Variants in HMCN1 observed in about 807,000 individuals in gnomAD.
HMCN1 encodes the protein hemicentin 1.
A neutral mutation model predicts 625.9 loss-of-function variants in HMCN1; 321 were observed. That is an observed-to-expected ratio of 0.51 (90% confidence interval 0.47 to 0.56). The LOEUF is 0.56. Ranked by LOEUF, HMCN1 falls within the 20% of genes least tolerant of loss-of-function variation. The pLI, the probability that HMCN1 is intolerant of heterozygous loss-of-function variation, is 0.00. For synonymous variants in HMCN1, 2,425 were observed against 2,417.6 expected (o/e 1.00, Z -0.09); for missense variants, 6,588 against 6,887.3 (o/e 0.96, Z 1.54).
At chr1:185,765,061 G>A (rs1655782650) in intron 1 of HMCN1, among the ~76,000 whole-genome samples, 1 of 152,140 alleles carries the variant, frequency 6.6e-6, no homozygotes, top group Non-Finnish European at 1.5e-5. Context: ...TGAATTAATG[G>A]ACTCAGTAAT....
chr1:185,790,263 CTG>C (rs1408699580), intron 1 of HMCN1, among the ~76,000 whole-genome samples: 1 of 152,222 alleles, frequency 6.6e-6, no homozygotes, highest in African/African-American at 2.4e-5. Flanking sequence ...TCAACCCTTC[CTG>C]TATTCCTTGT....
At chr1:185,782,467 C>T (rs1657202264) in intron 1 of HMCN1, among the ~76,000 whole-genome samples, 1 of 152,150 alleles carries the variant, frequency 6.6e-6, no homozygotes, top group Non-Finnish European at 1.5e-5. Flanking sequence ...TTTGGCATGT[C>T]TTTGCAGTGG....
In HMCN1 at chr1:186,190,882, A is replaced by C. The variant is rs1653690282; in HGVS notation, c.*1004A>C. 5.4e-6 allele frequency: 1 copy of C among 184,374 alleles called. No individual in the cohort carries two copies. The highest frequency in any genetic ancestry group is 1.2e-5 in the Non-Finnish European group (1 of 86,670). The allele number at this position is 184,374 out of a possible 1,614,324, so 11.4% of individuals were successfully genotyped here. ...ATATCTTGATGGACTCTTTTATAAA[A>C]TTATTTTATAAAAAACAATGTTACA... is the stretch of plus-strand genomic sequence containing the variant. On this transcript the variant is annotated 3_prime_UTR_variant, in exon 107 of 107. Transcript: ENST00000271588.
At chr1:185,754,695 C>G (rs1655023122) in intron 1 of HMCN1, among the ~76,000 whole-genome samples, 1 of 151,818 alleles carries the variant, frequency 6.6e-6, no homozygotes, top group South Asian at 2.1e-4. Context: ...TTAAAAAATA[C>G]AAATTAACCA....
chr1:186,026,706 T>G (rs1655079466), intron 36 of HMCN1, among the ~76,000 whole-genome samples: 1 of 152,152 alleles, frequency 6.6e-6, no homozygotes, highest in Non-Finnish European at 1.5e-5. Flanking sequence ...CGGTCATGAC[T>G]CATTACAGCC....
Position 186,000,245 on chromosome 1 carries a change from T to C in HMCN1, c.4069+6T>C. ...ATATAACCTCAAAGTCCATGGTAAA[T>C]GTAGCTAAAATCATGTAACTGACTG... On this transcript the variant is annotated splice_donor_region_variant and intron_variant, in intron 26 of 106. Coordinates refer to ENST00000271588, the MANE Select transcript of HMCN1 (RefSeq NM_031935.3). 6.2e-7 allele frequency: 1 copy of C among 1,608,012 alleles called. No homozygotes were observed. The highest frequency in any genetic ancestry group is 1.7e-4 in the Middle Eastern group (1 of 6,036).
At position 185,958,399 on chromosome 1, in the gene HMCN1, G is replaced by A. The variant is rs143455322; in HGVS notation, c.1829-4119G>A. On this transcript the variant is annotated intron_variant, in intron 11 of 106. Transcript: ENST00000271588. Reference sequence around the variant, plus strand: ...CTCCGAAAATGCTGGGATTACAAGCGTGAGCCACCACGTACAGGCTGAAAT... The same window carrying A: ...CTCCGAAAATGCTGGGATTACAAGCATGAGCCACCACGTACAGGCTGAAAT... 3.1e-3 allele frequency among the ~76,000 whole-genome samples: 471 copies of A among 152,246 alleles called. 4 individuals are homozygous for A. Among genetic ancestry groups the A allele is most frequent in the African/African-American group, 9.1e-3 (376 of 41,542 alleles).
rs780290240 is a variant in HMCN1 at position 185,925,155 on chromosome 1, G to A, written c.1394G>A (p.Arg465Lys). 1 of 1,614,004 alleles carries A rather than the reference G, an allele frequency of 6.2e-7. No individual in the cohort carries two copies. The highest frequency in any genetic ancestry group is 8.5e-7 in the Non-Finnish European group (1 of 1,179,902). ...SLLPFTLSFV[R>K]NGVTLGVDQY... is the part of the protein sequence containing the mutation. ...TTGCCCTTTACCTTGAGCTTTGTCAGAAATGGAGTTACACTTGGAGTAGAC... is the reference window on the plus strand; with the variant it reads ...TTGCCCTTTACCTTGAGCTTTGTCAAAAATGGAGTTACACTTGGAGTAGAC... The change falls in exon 9 of 107, where the codon AGA (arginine) becomes AAA (lysine). Residue 465 changes from arginine to lysine, a missense_variant. Arg to Lys is a conservative substitution (Grantham distance 26). This residue lies in a region of HMCN1 where 4,628 missense variants were observed against 4,853.1 expected (regional missense o/e 0.95). Transcript: ENST00000271588.
chr1:186,066,278 TGTTC>T, intron 49 of HMCN1, among the ~76,000 whole-genome samples: 1 of 151,432 alleles, frequency 6.6e-6, no homozygotes, highest in East Asian at 1.9e-4. Context: ...ATTATATATA[TGTTC>T]ATTCATTCAT....
rs556852004 is a variant in HMCN1, at chr1:185,931,543, C to T, written c.1553-2006C>T. On this transcript the variant is annotated intron_variant, in intron 10 of 106. Transcript: ENST00000271588. ...TATGTTAGTAGAAAGTTGGCATGTA[C>T]TTATTTGAATTTATATCTGAAGAGG... Among the ~76,000 whole-genome samples, 1,489 of 152,088 alleles carry T rather than the reference C, an allele frequency of 9.8e-3. 18 individuals carry two copies. The highest frequency in any genetic ancestry group is 0.033 in the African/African-American group (1,362 of 41,470).
Position 186,106,927 on chromosome 1 carries a change from C to T in HMCN1, c.10814C>T (p.Ala3605Val). The change falls in exon 70 of 107, where the codon GCA becomes GTA. Residue 3605 changes from alanine (A) to valine (V), a missense_variant. Transcript: ENST00000271588. ...TATACATGTCTGGCATCCAGTCCTG[C>T]AGGAGATGATGATAAGGAATATCTA... ...GRYTCLASSP[A>V]GDDDKEYLVR... 1 of 1,612,574 alleles carries T rather than the reference C, an allele frequency of 6.2e-7. No individual in the cohort carries two copies. Among genetic ancestry groups the T allele is most frequent in the Non-Finnish European group, 8.5e-7 (1 of 1,178,708 alleles).
chr1:185,886,573 CA>C (rs1664664355), intron 4 of HMCN1, among the ~76,000 whole-genome samples: 1 of 149,584 alleles, frequency 6.7e-6, no homozygotes, highest in African/African-American at 2.4e-5. Context: ...ATGTTTAATG[CA>C]AAAGAAAAAG....
At chr1:185,759,879 A>T (rs1655380246) in intron 1 of HMCN1, among the ~76,000 whole-genome samples, 1 of 152,326 alleles carries the variant, frequency 6.6e-6, no homozygotes, top group South Asian at 2.1e-4. Context: ...AACATAAGTA[A>T]TAAAGCACAG....
intron 1 of HMCN1, among the ~76,000 whole-genome samples, chr1:185,778,680 C>A (rs371781995): frequency 1.3e-5 from 2 of 151,884 alleles, no homozygotes; most frequent in Non-Finnish European, 2.9e-5. Context: ...TGAACTCATC[C>A]TTTTTTATGG....
intron 14 of HMCN1, 139 bp downstream of exon 14, chr1:185,966,054 G>A (rs1650388862): frequency 2.9e-6 from 2 of 679,352 alleles, no homozygotes; most frequent in Admixed American, 4.4e-5. Flanking sequence ...GGAGACAATA[G>A]TTCAAAATTC....
chr1:186,186,521 C>T (rs1309831347), intron 105 of HMCN1, among the ~76,000 whole-genome samples: 1 of 152,006 alleles, frequency 6.6e-6, no homozygotes, highest in Non-Finnish European at 1.5e-5. Context: ...AGTGAGACTC[C>T]GTCTCAAAAA....
rs943289222 is a variant in HMCN1, at chr1:186,038,972, G to T, written c.5995G>T (p.Ala1999Ser). Residue 1999 changes from alanine to serine, a missense_variant, in exon 38 of 107, where the codon GCT becomes TCT. This residue lies in a region of HMCN1 where 4,628 missense variants were observed against 4,853.1 expected (regional missense o/e 0.95). Coordinates refer to ENST00000271588, the MANE Select transcript of HMCN1 (RefSeq NM_031935.3). Reference sequence around the variant, plus strand: ...ATGCGTGGCCATCAACTCAGCTGGAGCTACAGAGTTATTTTACAGTCTGCA... The same window carrying T: ...ATGCGTGGCCATCAACTCAGCTGGATCTACAGAGTTATTTTACAGTCTGCA... The part of the protein sequence containing the change: ...YKCVAINSAG[A>S]TELFYSLQVH... 4 of 1,612,852 alleles carry T rather than the reference G, an allele frequency of 2.5e-6. No homozygotes were observed. In the African/African-American group the frequency reaches 4.0e-5, roughly 16 times the overall value.
At chr1:186,102,934 C>T (rs1272807436) in intron 68 of HMCN1, among the ~76,000 whole-genome samples, 1 of 152,152 alleles carries the variant, frequency 6.6e-6, no homozygotes, top group Non-Finnish European at 1.5e-5. Flanking sequence ...GAGGAAGTTA[C>T]TCCCATCCAG....
At chr1:186,090,692 G>T in intron 63 of HMCN1, 66 bp from the exon 64 acceptor site, 1 of 1,557,522 alleles carries the variant, frequency 6.4e-7, no homozygotes, top group South Asian at 1.1e-5. Flanking sequence ...ATTGTTTTAT[G>T]ACTCTGTTAC....
Sources: gnomAD v4.1 joint callset for allele counts (sites outside exome capture counted in the v4.1 genomes callset) on GRCh38, gnomAD v4.1.1 for gene constraint, gnomAD v4.1.1 regional missense constraint, MANE v1.5 for transcripts, NCBI Gene and HGNC (gene_info 2026-07-23, HGNC 2026-07-21) for gene names.